LRRC1: variants seen among roughly 807,000 people sequenced by gnomAD.
LRRC1 encodes the protein leucine rich repeat containing 1.
A neutral mutation model predicts 69.9 loss-of-function variants in LRRC1; 28 were observed. The observed-to-expected ratio is 0.40, with a 90% CI of 0.30 to 0.55. The LOEUF (loss-of-function observed/expected upper bound fraction) is 0.55, where lower values mean the gene tolerates loss of function less well. LRRC1 is among the 20% of genes least tolerant of loss of function. The pLI is 0.47. For synonymous variants in LRRC1, 236 were observed against 240.2 expected, an observed-to-expected ratio of 0.98 and a Z score of 0.16; for missense variants, 498 against 609.0, an observed-to-expected ratio of 0.82 and a Z score of 1.92.
chr6:53,864,023 TG>T (rs1266182009), intron 2 of LRRC1, among the ~76,000 whole-genome samples: 2 of 151,774 alleles, frequency 1.3e-5, no homozygotes, highest in Non-Finnish European at 2.9e-5. Flanking sequence ...CTTTATCTAC[TG>T]CCTTCTCAAT....
intron 5 of LRRC1, 123 bp downstream of exon 5, chr6:53,896,677 C>T (rs756139218): frequency 3.7e-5 from 39 of 1,050,650 alleles, no homozygotes; most frequent in Admixed American, 1.1e-4. Context: ...GGATGCCAGC[C>T]GGCCTTTTCT....
At chr6:53,798,615 A>G (rs1034992408) in intron 1 of LRRC1, among the ~76,000 whole-genome samples, 7 of 152,140 alleles carry the variant, frequency 4.6e-5, no homozygotes, top group Non-Finnish European at 8.8e-5. Flanking sequence ...TCCTGACCTC[A>G]TGACCCACCC....
chr6:53,811,572 C>T (rs1338669040), intron 1 of LRRC1, among the ~76,000 whole-genome samples: 1 of 152,226 alleles, frequency 6.6e-6, no homozygotes, highest in Non-Finnish European at 1.5e-5. Context: ...ACTAAAACCT[C>T]AGTTGTAACT....
intron 2 of LRRC1, among the ~76,000 whole-genome samples, chr6:53,862,803 A>G (rs754992993): frequency 6.6e-6 from 1 of 152,178 alleles, no homozygotes; most frequent in East Asian, 1.9e-4. Context: ...AATGGGATGC[A>G]TTTGAAAAAA....
chr6:53,807,885 A>C (rs1338707178), intron 1 of LRRC1, among the ~76,000 whole-genome samples: 2 of 152,238 alleles, frequency 1.3e-5, no homozygotes, highest in Non-Finnish European at 2.9e-5. Context: ...TGGGGCAGCC[A>C]TGTAAATATG....
At chr6:53,857,294 A>G (rs1301132727) in intron 2 of LRRC1, among the ~76,000 whole-genome samples, 1 of 152,174 alleles carries the variant, frequency 6.6e-6, no homozygotes, top group East Asian at 1.9e-4. Flanking sequence ...GGCCCTTGTA[A>G]GATTCTGAGA....
chr6:53,903,079 A>G (rs945685304), intron 9 of LRRC1, among the ~76,000 whole-genome samples: 4 of 152,126 alleles, frequency 2.6e-5, no homozygotes, highest in Admixed American at 1.3e-4. Flanking sequence ...ACCACTGGGA[A>G]TATTCATCAG....
Position 53,866,148 on chromosome 6 carries a change from C to T in LRRC1, c.278-12845C>T, listed in dbSNP as rs187183452. On this transcript the variant is annotated intron_variant, in intron 2 of 13. Coordinates refer to ENST00000370888, the MANE Select transcript of LRRC1 (RefSeq NM_018214.5). Reference sequence around the variant, plus strand: ...TTACCAGTTGGTATGAAAAGTGACCCACATGTAAAAACCATCCTGGGCCAC... The same window carrying T: ...TTACCAGTTGGTATGAAAAGTGACCTACATGTAAAAACCATCCTGGGCCAC... 1.1e-3 allele frequency among the ~76,000 whole-genome samples: 171 copies of T among 152,214 alleles called. 1 individual carries two copies. The highest frequency in any genetic ancestry group is 3.9e-3 in the African/African-American group (160 of 41,478).
In LRRC1 at chr6:53,915,438, G is replaced by A. The variant is rs190957425; in HGVS notation, c.1106+1469G>A. On this transcript the variant is annotated intron_variant, in intron 11 of 13. Coordinates refer to ENST00000370888, the MANE Select transcript of LRRC1 (RefSeq NM_018214.5). ...CCAGGATTAAATTGAGTTGAACCTCGGATTTCTGCTGAACTAAGCAGAACT... is the reference window on the plus strand; with the variant it reads ...CCAGGATTAAATTGAGTTGAACCTCAGATTTCTGCTGAACTAAGCAGAACT... 4.3e-4 allele frequency among the ~76,000 whole-genome samples: 66 copies of A among 152,228 alleles called. 1 individual carries two copies. In the East Asian group the frequency reaches 0.012, roughly 28 times the overall value.
At chr6:53,892,863 G>T (rs991483863) in intron 4 of LRRC1, among the ~76,000 whole-genome samples, 3 of 152,228 alleles carry the variant, frequency 2.0e-5, no homozygotes, top group African/African-American at 7.2e-5. Context: ...GAATCACTTA[G>T]TGATACTTGG....
chr6:53,810,139 G>A (rs1014735910), intron 1 of LRRC1, among the ~76,000 whole-genome samples: 1 of 152,174 alleles, frequency 6.6e-6, no homozygotes, highest in African/African-American at 2.4e-5. Context: ...CAAGAAGGAA[G>A]GCAGGAAGGA....
intron 13 of LRRC1, among the ~76,000 whole-genome samples, chr6:53,921,391 G>C (rs1376854034): frequency 6.6e-6 from 1 of 152,094 alleles, no homozygotes; most frequent in African/African-American, 2.4e-5. Context: ...CCCAGTGAAT[G>C]CTGTCTCTTC....
intron 7 of LRRC1, among the ~76,000 whole-genome samples, chr6:53,899,473 G>T (rs1458345421): frequency 6.6e-6 from 1 of 151,972 alleles, no homozygotes; most frequent in Non-Finnish European, 1.5e-5. Flanking sequence ...TTTTTCTCCT[G>T]TATCTTCACC....
At chr6:53,840,927 T>TGTGTGCGC (rs578018808) in intron 1 of LRRC1, among the ~76,000 whole-genome samples, 47 of 132,602 alleles carry the variant, frequency 3.5e-4, no homozygotes, top group East Asian at 5.4e-4. Context: ...TGTGTGTGTG[T>TGTGTGCGC]GCGTGCGCGC....
intron 3 of LRRC1, among the ~76,000 whole-genome samples, chr6:53,882,474 A>G (rs180989389): frequency 6.2e-4 from 94 of 152,350 alleles, no homozygotes; most frequent in Middle Eastern, 3.4e-3. Context: ...TTATAATCTC[A>G]TGGGCTGATG....
chr6:53,799,026 G>A (rs773056908), intron 1 of LRRC1, among the ~76,000 whole-genome samples: 1 of 152,182 alleles, frequency 6.6e-6, no homozygotes, highest in Non-Finnish European at 1.5e-5. Flanking sequence ...ACCTTCAAAT[G>A]CGTGTGTTTT....
chr6:53,857,146 C>T (rs575255647), intron 2 of LRRC1, among the ~76,000 whole-genome samples: 1 of 152,164 alleles, frequency 6.6e-6, no homozygotes, highest in South Asian at 2.1e-4. Context: ...ATAGGAGATA[C>T]AGGTTTGAGA....
intron 1 of LRRC1, among the ~76,000 whole-genome samples, chr6:53,839,325 A>C (rs987158893): frequency 3.3e-5 from 5 of 152,138 alleles, no homozygotes; most frequent in Admixed American, 2.6e-4. Context: ...TTTTTTACCA[A>C]CAAAAAAAAG....
At chr6:53,891,696 A>T (rs1767687227) in intron 4 of LRRC1, among the ~76,000 whole-genome samples, 1 of 152,126 alleles carries the variant, frequency 6.6e-6, no homozygotes, top group Admixed American at 6.6e-5. Flanking sequence ...AAATATATAT[A>T]AATTGGCCGG....
Sources: gnomAD v4.1 joint callset for allele counts (sites outside exome capture counted in the v4.1 genomes callset) on GRCh38, gnomAD v4.1.1 for gene constraint, MANE v1.5 for transcripts, NCBI Gene and HGNC (gene_info 2026-07-23, HGNC 2026-07-21) for gene names.